Variants in B3GALT1 observed in about 807,000 individuals in gnomAD.
B3GALT1 encodes the protein UDP-Gal:betaGlcNAc beta 1,3-galactosyltransferase, polypeptide 1.
A neutral mutation model predicts 23.2 loss-of-function variants in B3GALT1; 10 were observed. The ratio of observed to expected loss-of-function variants is 0.43; its 90% confidence interval spans 0.27 to 0.73. B3GALT1 has a LOEUF of 0.73. B3GALT1 is among the 30% of genes least tolerant of loss of function. The pLI is 0.21. For missense variants in B3GALT1, 299 were observed against 405.4 expected (o/e 0.74, Z 2.25); for synonymous variants, 156 against 141.5 (o/e 1.10, Z -0.73).
Position 167,420,100 on chromosome 2 carries a change from G to A in B3GALT1, c.-510-70077G>A, listed in dbSNP as rs1245945818. Among the ~76,000 whole-genome samples the A allele has an allele frequency of 2.0e-5, 3 of 152,304 alleles. No homozygotes were observed. In the East Asian group the frequency reaches 5.8e-4, roughly 29 times the overall value. On this transcript the variant is annotated intron_variant, in intron 1 of 4. Transcript: ENST00000392690. ...ATTCCAAAGTGAAGCTCTAGAATGA[G>A]CTGAAGGTTCATTTTGCGGCAGTCC... is the stretch of plus-strand genomic sequence containing the variant.
At chr2:167,427,748 G>A (rs531216341) in intron 1 of B3GALT1, among the ~76,000 whole-genome samples, 14 of 152,016 alleles carry the variant, frequency 9.2e-5, no homozygotes, top group South Asian at 2.1e-4. Flanking sequence ...TGCCCAGGCC[G>A]GTCTCAAACT....
intron 1 of B3GALT1, among the ~76,000 whole-genome samples, chr2:167,318,127 G>C (rs1173439232): frequency 1.3e-5 from 2 of 151,990 alleles, no homozygotes; most frequent in Non-Finnish European, 2.9e-5. Context: ...GGAGTTTCAA[G>C]ACCAGCCTTG....
intron 1 of B3GALT1, among the ~76,000 whole-genome samples, chr2:167,443,986 A>G (rs868740051): frequency 2.6e-5 from 4 of 152,172 alleles, no homozygotes; most frequent in African/African-American, 4.8e-5. Flanking sequence ...CCCATTCAGT[A>G]TGATATTGGC....
intron 2 of B3GALT1, among the ~76,000 whole-genome samples, chr2:167,544,310 T>G (rs746405395): frequency 6.6e-6 from 1 of 152,190 alleles, no homozygotes; most frequent in African/African-American, 2.4e-5. Context: ...TTTGTTTGTT[T>G]TTGGGACAGA....
chr2:167,613,971 T>C (rs1178892948), intron 2 of B3GALT1, among the ~76,000 whole-genome samples: 1 of 151,782 alleles, frequency 6.6e-6, no homozygotes, highest in Non-Finnish European at 1.5e-5. Context: ...TAATGTCATG[T>C]TTATTAAAGG....
chr2:167,425,757 T>G (rs571279210), intron 1 of B3GALT1, among the ~76,000 whole-genome samples: 106 of 152,334 alleles, frequency 7.0e-4, no homozygotes, highest in Non-Finnish European at 1.3e-3. Context: ...CAGGCTATAA[T>G]GATTTATCGA....
chr2:167,727,787 A>T (rs1687342909), intron 3 of B3GALT1, among the ~76,000 whole-genome samples: 1 of 152,106 alleles, frequency 6.6e-6, no homozygotes, highest in African/African-American at 2.4e-5. Context: ...TTGTGAGGCA[A>T]ATCAAAGAAC....
Position 167,873,204 on chromosome 2 carries a change from A to G in B3GALT1, c.*3184A>G, listed in dbSNP as rs1690385537. The G allele has an allele frequency of 6.6e-6, 1 of 152,190 alleles. No individual in the cohort carries two copies. The highest frequency in any genetic ancestry group is 2.4e-5 in the African/African-American group (1 of 41,450). The allele number at this position is 152,190 out of a possible 1,614,324, so 9.4% of individuals were successfully genotyped here. On this transcript the variant is annotated 3_prime_UTR_variant, in exon 5 of 5. Transcript: ENST00000392690. ...CCATTATGCACTGGATAATAACAGT[A>G]TCAGTGTCTATGTTCTTAAAGTTCC...
At chr2:167,295,189 T>A (rs1050883197) in intron 1 of B3GALT1, among the ~76,000 whole-genome samples, 1 of 152,214 alleles carries the variant, frequency 6.6e-6, no homozygotes, top group South Asian at 2.1e-4. Flanking sequence ...TGGATTTTTT[T>A]ATTATGATTT....
At chr2:167,546,077 T>C (rs547577571) in intron 2 of B3GALT1, among the ~76,000 whole-genome samples, 24 of 152,284 alleles carry the variant, frequency 1.6e-4, no homozygotes, top group African/African-American at 5.8e-4. Context: ...TCAAAATGTT[T>C]TGGATTTTGG....
intron 3 of B3GALT1, among the ~76,000 whole-genome samples, chr2:167,659,572 A>C (rs1686019943): frequency 6.6e-6 from 1 of 152,118 alleles, no homozygotes; most frequent in South Asian, 2.1e-4. Flanking sequence ...ATAGTGTTTC[A>C]TGTGGTTTGT....
At chr2:167,346,580 G>T in intron 1 of B3GALT1, among the ~76,000 whole-genome samples, 1 of 152,110 alleles carries the variant, frequency 6.6e-6, no homozygotes. Flanking sequence ...CAATGCCAAG[G>T]CTTGATGGAA....
chr2:167,595,958 T>C (rs745453706), intron 2 of B3GALT1, among the ~76,000 whole-genome samples: 89 of 152,326 alleles, frequency 5.8e-4, no homozygotes, highest in Non-Finnish European at 9.6e-4. Flanking sequence ...ACTGCTATTT[T>C]GTAAGAGAAA....
chr2:167,483,342 A>C (rs1210405485), intron 1 of B3GALT1, among the ~76,000 whole-genome samples: 2 of 152,206 alleles, frequency 1.3e-5, no homozygotes, highest in Non-Finnish European at 2.9e-5. Context: ...CCAAAACAAT[A>C]GTATCTACAA....
intron 3 of B3GALT1, among the ~76,000 whole-genome samples, chr2:167,733,789 T>A (rs1687449020): frequency 6.6e-6 from 1 of 152,132 alleles, no homozygotes; most frequent in South Asian, 2.1e-4. Flanking sequence ...TTGGCTCAGG[T>A]TTCCACAGAT....
chr2:167,611,820 C>T (rs1040207102), intron 2 of B3GALT1, among the ~76,000 whole-genome samples: 1 of 151,754 alleles, frequency 6.6e-6, no homozygotes, highest in East Asian at 1.9e-4. Flanking sequence ...TTAAGGATGA[C>T]TTTGCCTTAT....
chr2:167,367,045 A>G (rs1028866828), intron 1 of B3GALT1, among the ~76,000 whole-genome samples: 2 of 152,222 alleles, frequency 1.3e-5, no homozygotes, highest in East Asian at 1.9e-4. Flanking sequence ...ACACAAGGGC[A>G]TAAATCATAG....
intron 1 of B3GALT1, among the ~76,000 whole-genome samples, chr2:167,296,377 AATC>A (rs1696350419): frequency 6.6e-6 from 1 of 152,204 alleles, no homozygotes. Flanking sequence ...TTAATAGTGA[AATC>A]ATTCTTTTTC....
intron 1 of B3GALT1, among the ~76,000 whole-genome samples, chr2:167,440,431 C>T (rs2105312537): frequency 6.6e-6 from 1 of 150,600 alleles, no homozygotes; most frequent in African/African-American, 2.4e-5. Context: ...ATAAATATGA[C>T]TTCCAAATAC....
Sources: gnomAD v4.1 joint callset for allele counts (sites outside exome capture counted in the v4.1 genomes callset) on GRCh38, gnomAD v4.1.1 for gene constraint, MANE v1.5 for transcripts, NCBI Gene and HGNC (gene_info 2026-07-23, HGNC 2026-07-21) for gene names.